SH3GL2: variants seen among roughly 807,000 people sequenced by gnomAD.
The protein encoded by SH3GL2 is SH3 domain containing GRB2 like 2, endophilin A1.
In SH3GL2, 24 loss-of-function variants were observed where a neutral mutation model predicts 46.0. The observed-to-expected ratio is 0.52, with a 90% CI of 0.38 to 0.73. The LOEUF is 0.73. Among genes scored for constraint, SH3GL2 ranks in the 30% least tolerant of loss-of-function variants. The pLI, the probability that SH3GL2 is intolerant of heterozygous loss-of-function variation, is 0.00. For synonymous variants in SH3GL2, 196 were observed against 147.1 expected (o/e 1.33, Z -2.40); for missense variants, 413 against 424.2 (o/e 0.97, Z 0.23).
rs139351985 is a variant in SH3GL2, at chr9:17,653,230, C to T, written c.45+73943C>T. ...TATTATAACTGTTTTGTGTCTTGCTCGCATTGCTGTTTTCTTTTCTACCTT... is the reference window on the plus strand; with the variant it reads ...TATTATAACTGTTTTGTGTCTTGCTTGCATTGCTGTTTTCTTTTCTACCTT... On this transcript the variant is annotated intron_variant, in intron 1 of 8. Coordinates refer to ENST00000380607, the MANE Select transcript of SH3GL2 (RefSeq NM_003026.5). Among the ~76,000 whole-genome samples, 531 of 152,090 alleles carry T rather than the reference C, an allele frequency of 3.5e-3. 2 individuals are homozygous for T. The highest frequency in any genetic ancestry group is 5.6e-3 in the Non-Finnish European group (379 of 67,970).
intron 1 of SH3GL2, among the ~76,000 whole-genome samples, chr9:17,670,348 A>G (rs1588221581): frequency 6.6e-6 from 1 of 152,304 alleles, no homozygotes; most frequent in Non-Finnish European, 1.5e-5. Flanking sequence ...TTAGAAGGGA[A>G]GTTCTGCGAA....
intron 3 of SH3GL2, among the ~76,000 whole-genome samples, chr9:17,779,177 C>T (rs1410395255): frequency 6.6e-6 from 1 of 152,098 alleles, no homozygotes; most frequent in Non-Finnish European, 1.5e-5. Flanking sequence ...GCTTGGTGGC[C>T]TAACCCACTG....
At chr9:17,590,541 A>T (rs1429089407) in intron 1 of SH3GL2, 2 of 152,104 alleles carry the variant, frequency 1.3e-5, no homozygotes, top group East Asian at 3.9e-4. Flanking sequence ...ATTTTGGGCC[A>T]TTTGAAGCTG....
intron 1 of SH3GL2, among the ~76,000 whole-genome samples, chr9:17,600,619 T>C (rs1401882021): frequency 6.6e-6 from 1 of 152,236 alleles, no homozygotes; most frequent in Non-Finnish European, 1.5e-5. Flanking sequence ...TATCTGTTGC[T>C]CTTAGTTACT....
In SH3GL2 at chr9:17,650,686, A is replaced by AT. The variant is rs1411197369; in HGVS notation, c.45+71404dup. 1.1e-4 allele frequency among the ~76,000 whole-genome samples: 16 copies of AT among 152,210 alleles called. 1 individual carries two copies. Among genetic ancestry groups the AT allele is most frequent in the Admixed American group, 9.8e-4 (15 of 15,276 alleles). ...CTTGAGGTTTTTATGGCTGAAGCAT[A>AT]TTTTTGTAAATCATGTTATTGGTGA... On this transcript the variant is annotated intron_variant, in intron 1 of 8. Coordinates refer to ENST00000380607, the MANE Select transcript of SH3GL2 (RefSeq NM_003026.5).
rs183468059 is a variant in SH3GL2 at position 17,608,337 on chromosome 9, A to G, written c.45+29050A>G. 1.7e-3 allele frequency among the ~76,000 whole-genome samples: 265 copies of G among 152,028 alleles called. 3 individuals carry two copies. The highest frequency in any genetic ancestry group is 0.017 in the Middle Eastern group (5 of 294). On this transcript the variant is annotated intron_variant, in intron 1 of 8. Transcript: ENST00000380607. ...TAAATTTTGTACTTTTAGTAGAGAC[A>G]GGGTTTCACCGTGTTAGCCGGGATG...
At chr9:17,581,534 A>G (rs1227120979) in intron 1 of SH3GL2, among the ~76,000 whole-genome samples, 4 of 152,228 alleles carry the variant, frequency 2.6e-5, no homozygotes, top group African/African-American at 7.2e-5. Context: ...TAATGTTTGC[A>G]TGTGACAAAA....
chr9:17,721,130 G>A (rs1259839531), intron 1 of SH3GL2, among the ~76,000 whole-genome samples: 4 of 151,946 alleles, frequency 2.6e-5, no homozygotes, highest in Non-Finnish European at 5.9e-5. Context: ...CTCTAGATTG[G>A]CAGCTTGGCT....
At chr9:17,609,601 C>T (rs1386100276) in intron 1 of SH3GL2, among the ~76,000 whole-genome samples, 1 of 152,158 alleles carries the variant, frequency 6.6e-6, no homozygotes, top group Non-Finnish European at 1.5e-5. Context: ...AACAAAACAT[C>T]TCTGGGTCAT....
intron 1 of SH3GL2, among the ~76,000 whole-genome samples, chr9:17,602,437 T>C (rs1818688327): frequency 6.6e-6 from 1 of 152,190 alleles, no homozygotes; most frequent in African/African-American, 2.4e-5. Flanking sequence ...TTCCTCTTTC[T>C]AAGTGTTTTG....
chr9:17,594,593 C>G (rs1412493007), intron 1 of SH3GL2, among the ~76,000 whole-genome samples: 1 of 152,032 alleles, frequency 6.6e-6, no homozygotes, highest in Non-Finnish European at 1.5e-5. Flanking sequence ...ACATGTATAC[C>G]TATGTAACAA....
intron 1 of SH3GL2, among the ~76,000 whole-genome samples, chr9:17,714,721 T>G (rs1821709805): frequency 6.6e-6 from 1 of 151,906 alleles, no homozygotes; most frequent in South Asian, 2.1e-4. Context: ...TATAAATCCC[T>G]GAGTACATAG....
At chr9:17,777,996 C>A (rs1823692609) in intron 3 of SH3GL2, among the ~76,000 whole-genome samples, 1 of 151,922 alleles carries the variant, frequency 6.6e-6, no homozygotes, top group Non-Finnish European at 1.5e-5. Context: ...ACTCTAAGAA[C>A]TTTCCTCTTG....
intron 1 of SH3GL2, among the ~76,000 whole-genome samples, chr9:17,600,384 G>C (rs1818648433): frequency 6.6e-6 from 1 of 152,206 alleles, no homozygotes; most frequent in African/African-American, 2.4e-5. Context: ...ATGTCGAAGG[G>C]AGAATTTCAA....
rs887334145 is a variant in SH3GL2, at chr9:17,718,514, G to T, written c.46-28552G>T. 6.6e-5 allele frequency among the ~76,000 whole-genome samples: 10 copies of T among 152,210 alleles called. No homozygotes were observed. The East Asian group carries it at 1.9e-3, about 30-fold the overall frequency. On this transcript the variant is annotated intron_variant, in intron 1 of 8. Coordinates refer to ENST00000380607, the MANE Select transcript of SH3GL2 (RefSeq NM_003026.5). ...AAGGCGGGTGGATTGCTTGAGCCCA[G>T]GAGTTTGAGATCAGCCTGGGCAACA...
At position 17,726,693 on chromosome 9, in the gene SH3GL2, A is replaced by C. The variant is rs188824846; in HGVS notation, c.46-20373A>C. On this transcript the variant is annotated intron_variant, in intron 1 of 8. Transcript: ENST00000380607. ...GCAGGCTATAAAATAGGAAGCAGAGAGGATCAATTAGCATTAAAGATATTC... is the reference window on the plus strand; with the variant it reads ...GCAGGCTATAAAATAGGAAGCAGAGCGGATCAATTAGCATTAAAGATATTC... Among the ~76,000 whole-genome samples the C allele has an allele frequency of 2.2e-3, 334 of 152,308 alleles. 2 individuals carry two copies. The highest frequency in any genetic ancestry group is 7.6e-3 in the African/African-American group (318 of 41,588).
intron 1 of SH3GL2, among the ~76,000 whole-genome samples, chr9:17,581,419 G>A (rs760304944): frequency 6.6e-6 from 1 of 152,188 alleles, no homozygotes; most frequent in Non-Finnish European, 1.5e-5. Context: ...GAAGCAGCAC[G>A]TAGTCTCTTA....
At chr9:17,582,591 T>C (rs1357111243) in intron 1 of SH3GL2, among the ~76,000 whole-genome samples, 1 of 152,256 alleles carries the variant, frequency 6.6e-6, no homozygotes, top group Non-Finnish European at 1.5e-5. Context: ...ACATTTTGCT[T>C]TACAATATGT....
intron 1 of SH3GL2, among the ~76,000 whole-genome samples, chr9:17,604,454 G>A (rs1200969593): frequency 6.6e-6 from 1 of 152,192 alleles, no homozygotes; most frequent in African/African-American, 2.4e-5. Flanking sequence ...TTAGCCGTTT[G>A]TTATTGCTTT....
Sources: allele counts gnomAD v4.1 joint callset (sites outside exome capture counted in the v4.1 genomes callset), GRCh38; gene constraint gnomAD v4.1.1; transcripts MANE v1.5; gene names NCBI Gene and HGNC (gene_info 2026-07-23, HGNC 2026-07-21).